ENDOV: variants seen among roughly 807,000 people sequenced by gnomAD.
ENDOV encodes hEndoV.
A neutral mutation model predicts 39.4 loss-of-function variants in ENDOV; 37 were observed. The ratio of observed to expected loss-of-function variants is 0.94; its 90% CI spans 0.72 to 1.23. ENDOV has a LOEUF of 1.23. ENDOV is among the 50% of genes most tolerant of loss of function. The pLI, the probability that ENDOV is intolerant of heterozygous loss-of-function variation, is 0.00. For synonymous variants in ENDOV, 186 were observed against 163.4 expected, an observed-to-expected ratio of 1.14 and a Z score of -1.05; for missense variants, 441 against 375.7, an observed-to-expected ratio of 1.17 and a Z score of -1.44.
intron 2 of ENDOV, among the ~76,000 whole-genome samples, chr17:80,421,188 G>T (rs1482829283): frequency 6.6e-6 from 1 of 151,868 alleles, no homozygotes; most frequent in Non-Finnish European, 1.5e-5. Flanking sequence ...GGTCCCGGAG[G>T]CTCCTCCTAT....
intron 1 of ENDOV, 183 bp from the exon 2 acceptor site, chr17:80,415,467 G>A (rs965302455): frequency 1.4e-5 from 14 of 1,009,428 alleles, no homozygotes; most frequent in Admixed American, 1.2e-4. Context: ...TGTCTGGCCT[G>A]CGCTTGCGCG....
At position 80,425,107 on chromosome 17, in the gene ENDOV, A is replaced by G; in HGVS notation, c.585+7A>G. 6.2e-7 allele frequency: 1 copy of G among 1,605,330 alleles called. No individual in the cohort carries two copies. The highest frequency in any genetic ancestry group is 2.2e-5 in the East Asian group (1 of 44,624). On this transcript the variant is annotated splice_region_variant and intron_variant, in intron 6 of 9. Coordinates refer to ENST00000518137, the MANE Select transcript of ENDOV (RefSeq NM_173627.5). ...TGGGACTGTCCTGGGAATGGTGAGTAGCTAGGGCCCTGAGCTCCTCCAAAG... is the reference window on the plus strand; with the variant it reads ...TGGGACTGTCCTGGGAATGGTGAGTGGCTAGGGCCCTGAGCTCCTCCAAAG...
intron 3 of ENDOV, 71 bp downstream of exon 3, chr17:80,422,033 T>G: frequency 1.9e-6 from 3 of 1,581,230 alleles, no homozygotes; most frequent in Non-Finnish European, 2.6e-6. Context: ...CTGCTGCAGG[T>G]CGCCACCACC....
At chr17:80,426,962 C>A (rs1479745827) in intron 7 of ENDOV, among the ~76,000 whole-genome samples, 1 of 152,254 alleles carries the variant, frequency 6.6e-6, no homozygotes, top group Non-Finnish European at 1.5e-5. Flanking sequence ...TGCCCTGCAG[C>A]CTGCCCTGGG....
intron 7 of ENDOV, among the ~76,000 whole-genome samples, chr17:80,426,821 G>A (rs528645333): frequency 1.1e-4 from 16 of 152,360 alleles, no homozygotes; most frequent in Admixed American, 4.6e-4. Flanking sequence ...CCCGCAGATT[G>A]GCCTTTTTAG....
At position 80,416,710 on chromosome 17, in the gene ENDOV, C is replaced by CCCTT. The variant is rs765690073; in HGVS notation, c.228+909_228+912dup. ...AAGTCCCCTCCCTCCCTCCCTCCCT[C>CCCTT]CCTTCCTTCCTTCCTTCCTTCCTCC... On this transcript the variant is annotated intron_variant, in intron 2 of 9. Coordinates refer to ENST00000518137, the MANE Select transcript of ENDOV (RefSeq NM_173627.5). Among the ~76,000 whole-genome samples the CCCTT allele has an allele frequency of 1.6e-3, 226 of 137,498 alleles. 1 individual carries two copies. The highest frequency in any genetic ancestry group is 2.3e-3 in the Non-Finnish European group (151 of 64,806). The allele number at this position is 137,498 out of a possible 152,430, so 90.2% of individuals were successfully genotyped here.
intron 3 of ENDOV, 54 bp from the exon 4 acceptor site, chr17:80,422,152 C>G (rs1233266129): frequency 6.2e-7 from 1 of 1,609,478 alleles, no homozygotes; most frequent in Admixed American, 1.7e-5. Context: ...ATGGCCCTGT[C>G]CTGAGGGCCG....
At chr17:80,423,383 C>G in intron 4 of ENDOV, 137 bp from the exon 5 acceptor site, 5 of 816,228 alleles carry the variant, frequency 6.1e-6, no homozygotes, top group Non-Finnish European at 9.4e-6. Flanking sequence ...GGACTTAGAT[C>G]TGGTTTCCCC....
intron 9 of ENDOV, among the ~76,000 whole-genome samples, chr17:80,433,842 C>T (rs888859702): frequency 1.3e-5 from 2 of 152,168 alleles, no homozygotes; most frequent in Admixed American, 6.5e-5. Context: ...TTCATTTTCC[C>T]CTCCCCTTGC....
intron 7 of ENDOV, chr17:80,427,682 C>G (rs948859704): frequency 1.6e-4 from 203 of 1,274,406 alleles, no homozygotes; most frequent in Non-Finnish European, 1.9e-4. Context: ...ACCTCCTGCT[C>G]TGTTCCAGAA....
intron 8 of ENDOV, 54 bp from the exon 9 acceptor site, chr17:80,429,719 G>A: frequency 6.6e-7 from 1 of 1,524,450 alleles, no homozygotes; most frequent in Non-Finnish European, 8.9e-7. Context: ...GTGTGAGGGG[G>A]TGTCAGGTAG....
At chr17:80,424,167 A>T (rs959509122) in intron 5 of ENDOV, 1 of 399,576 alleles carries the variant, frequency 2.5e-6, no homozygotes, top group Non-Finnish European at 4.4e-6. Flanking sequence ...GGAGCTGTTG[A>T]CACCCCCAGC....
chr17:80,415,724 G>C lies in ENDOV; in HGVS notation c.131G>C (p.Gly44Ala). Residue 44 changes from glycine to alanine, a missense_variant, in exon 2 of 10, where the codon GGT becomes GCT. By Grantham distance (60) the Gly-to-Ala change is moderately conservative (BLOSUM62 0). Transcript: ENST00000518137. ...EAWQRDPAFSGLQRVGGVDVS... is the reference protein window; with the variant it reads ...EAWQRDPAFSALQRVGGVDVS... ...TGGCAGCGAGACCCCGCCTTCTCGG[G>C]TCTGCAGAGGGTCGGGGGCGTTGAC... 1 of 1,609,690 alleles carries C rather than the reference G, an allele frequency of 6.2e-7. No homozygotes were observed. The highest frequency in any genetic ancestry group is 1.1e-5 in the South Asian group (1 of 90,102).
Position 80,421,917 on chromosome 17 carries a change from G to T in ENDOV, c.318G>T (p.Glu106Asp), listed in dbSNP as rs780002339. 2.5e-6 allele frequency: 4 copies of T among 1,611,248 alleles called. No individual in the cohort carries two copies. Among genetic ancestry groups the T allele is most frequent in the Non-Finnish European group, 3.4e-6 (4 of 1,179,538 alleles). The change falls in exon 3 of 10, where the codon GAG becomes GAT. Residue 106 changes from glutamate to aspartate, a missense_variant. By Grantham distance (45) the Glu-to-Asp change is conservative. Transcript: ENST00000518137. ...TCCGAGAGGTGCCCTTCTTGCTGGA[G>T]CTGGTGCAGCAGCTGCGGGAGAAGG... ...LAFREVPFLL[E>D]LVQQLREKEP...
chr17:80,428,272 C>G (rs2082970716), intron 7 of ENDOV, among the ~76,000 whole-genome samples: 1 of 152,254 alleles, frequency 6.6e-6, no homozygotes, highest in Admixed American at 6.5e-5. Flanking sequence ...CCAGTGAAGG[C>G]TGAGCAGCTC....
chr17:80,425,351 G>C (rs1282287805), intron 6 of ENDOV, 141 bp from the exon 7 acceptor site: 3 of 1,288,188 alleles, frequency 2.3e-6, no homozygotes, highest in Non-Finnish European at 3.1e-6. Flanking sequence ...GGGTGGGCAG[G>C]CCCTGGCCCC....
intron 9 of ENDOV, among the ~76,000 whole-genome samples, chr17:80,432,024 G>C (rs951564919): frequency 1.3e-5 from 2 of 151,996 alleles, no homozygotes; most frequent in Non-Finnish European, 2.9e-5. Flanking sequence ...TGTGAGCCTC[G>C]GGGACAGCCA....
Position 80,415,776 on chromosome 17 carries a change from C to A in ENDOV, c.183C>A (p.Val61=). The A allele has an allele frequency of 6.2e-7, 1 of 1,604,438 alleles. No homozygotes were observed. The part of the protein sequence containing the change: ...VDVSFVKGDS[V]RACASLVVLS... ...TGTCCTTCGTGAAAGGGGACAGTGT[C>A]CGCGCTTGTGCTTCCCTGGTGGTGC... The change falls in exon 2 of 10, where the codon GTC becomes GTA. Residue 61 remains valine (V), a synonymous_variant. Coordinates refer to ENST00000518137, the MANE Select transcript of ENDOV (RefSeq NM_173627.5).
intron 9 of ENDOV, chr17:80,430,375 A>ATTTG (rs113730607): frequency 3.3e-6 from 5 of 1,512,170 alleles, no homozygotes; most frequent in African/African-American, 1.4e-5. Flanking sequence ...TATTTCACAT[A>ATTTG]TTTGTTTGTT....
Sources: gnomAD v4.1 joint callset for allele counts (sites outside exome capture counted in the v4.1 genomes callset) on GRCh38, gnomAD v4.1.1 for gene constraint, MANE v1.5 for transcripts, NCBI Gene and HGNC (gene_info 2026-07-23, HGNC 2026-07-21) for gene names.